The following RUNX2 variants were observed in gnomAD, a reference collection of about 807,000 sequenced individuals.
The protein encoded by RUNX2 is RUNX family transcription factor 2, also known as runt-related transcription factor 2.
In RUNX2, 10 loss-of-function variants were observed where a neutral mutation model predicts 51.7. The observed-to-expected ratio is 0.19, with a 90% CI of 0.12 to 0.33. The LOEUF is 0.33. Among genes scored for constraint, RUNX2 ranks in the 10% least tolerant of loss-of-function variants. RUNX2 has a pLI of 1.00. For synonymous variants in RUNX2, 276 were observed against 273.6 expected, an observed-to-expected ratio of 1.01 and a Z score of -0.09; for missense variants, 562 against 691.3, an observed-to-expected ratio of 0.81 and a Z score of 2.10.
rs367773930 is a variant in RUNX2, at chr6:45,488,224, G to C, written c.686-3717G>C. On this transcript the variant is annotated intron_variant, in intron 5 of 8. Transcript: ENST00000647337. ...CTCGGTAATGGATTGAATGTGGAGA[G>C]TGAGAGATAAGGAGAAATCAAGGAA... 1.4e-4 allele frequency among the ~76,000 whole-genome samples: 21 copies of C among 152,322 alleles called. 1 individual carries two copies. Among genetic ancestry groups the C allele is most frequent in the African/African-American group, 5.1e-4 (21 of 41,574 alleles).
intron 5 of RUNX2, among the ~76,000 whole-genome samples, chr6:45,465,664 C>T (rs1235822616): frequency 6.8e-6 from 1 of 147,802 alleles, no homozygotes; most frequent in African/African-American, 2.5e-5. Flanking sequence ...TTTTTTTAGA[C>T]AAGATCTCAT....
At chr6:45,392,797 C>G (rs1797500050) in intron 2 of RUNX2, among the ~76,000 whole-genome samples, 1 of 151,842 alleles carries the variant, frequency 6.6e-6, no homozygotes, top group South Asian at 2.1e-4. Context: ...GGAAAATTCT[C>G]AGCCATCATT....
At chr6:45,452,751 A>G (rs1020124916) in intron 5 of RUNX2, among the ~76,000 whole-genome samples, 1 of 152,208 alleles carries the variant, frequency 6.6e-6, no homozygotes, top group Non-Finnish European at 1.5e-5. Context: ...AGGGAAAAAA[A>G]TAATCAAGAG....
chr6:45,520,886 A>C (rs1801486734), intron 7 of RUNX2, among the ~76,000 whole-genome samples: 1 of 152,086 alleles, frequency 6.6e-6, no homozygotes, highest in Non-Finnish European at 1.5e-5. Flanking sequence ...ACACCCAGCT[A>C]ATTTTTGTAG....
intron 5 of RUNX2, among the ~76,000 whole-genome samples, chr6:45,486,386 T>C (rs1327903741): frequency 6.6e-6 from 1 of 152,194 alleles, no homozygotes; most frequent in Non-Finnish European, 1.5e-5. Context: ...CAGTACACAT[T>C]AGCTGCACTA....
chr6:45,344,832 G>A (rs745811864), intron 2 of RUNX2, among the ~76,000 whole-genome samples: 1 of 152,128 alleles, frequency 6.6e-6, no homozygotes, highest in African/African-American at 2.4e-5. Context: ...AGTAAGCCAA[G>A]ATTCAGACTA....
In RUNX2 at chr6:45,344,319, C is replaced by T. The variant is rs181988773; in HGVS notation, c.58+15535C>T. ...CTTCATTTATACTTGGCCTAAACTTCCCCTTGTCTGTATACTTATTTTTGC... is the reference window on the plus strand; with the variant it reads ...CTTCATTTATACTTGGCCTAAACTTTCCCTTGTCTGTATACTTATTTTTGC... On this transcript the variant is annotated intron_variant, in intron 2 of 8. Transcript: ENST00000647337. Among the ~76,000 whole-genome samples, 5 of 152,254 alleles carry T rather than the reference C, an allele frequency of 3.3e-5. No individual in the cohort carries two copies. In the East Asian group the frequency reaches 9.6e-4, roughly 29 times the overall value.
At chr6:45,524,073 T>C (rs1007790712) in intron 7 of RUNX2, among the ~76,000 whole-genome samples, 2 of 152,234 alleles carry the variant, frequency 1.3e-5, no homozygotes, top group African/African-American at 2.4e-5. Flanking sequence ...TGGACAACAC[T>C]TTGTTTCAAA....
chr6:45,451,214 G>C (rs1237202381), intron 5 of RUNX2, among the ~76,000 whole-genome samples: 1 of 152,122 alleles, frequency 6.6e-6, no homozygotes, highest in Non-Finnish European at 1.5e-5. Flanking sequence ...GAGAAAAATC[G>C]AGTGGGAGGA....
At chr6:45,455,940 TA>T (rs1407032223) in intron 5 of RUNX2, among the ~76,000 whole-genome samples, 2 of 152,188 alleles carry the variant, frequency 1.3e-5, no homozygotes, top group East Asian at 1.9e-4. Context: ...TAATTTAGAT[TA>T]TGTGGAAAAA....
At chr6:45,344,842 A>G (rs1790521494) in intron 2 of RUNX2, among the ~76,000 whole-genome samples, 1 of 152,190 alleles carries the variant, frequency 6.6e-6, no homozygotes, top group African/African-American at 2.4e-5. Flanking sequence ...GATTCAGACT[A>G]TGACAAGGGA....
intron 7 of RUNX2, among the ~76,000 whole-genome samples, chr6:45,523,168 A>G (rs1397792071): frequency 6.6e-6 from 1 of 152,172 alleles, no homozygotes; most frequent in East Asian, 1.9e-4. Flanking sequence ...CTATGTCTTA[A>G]TATTATTTGA....
At position 45,404,274 on chromosome 6, in the gene RUNX2, AGAAAAAG is replaced by A. The variant is rs1397111770; in HGVS notation, c.59-18318_59-18312del. ...GACTCTGTCTCAAAAAAAAAAAAAA[AGAAAAAG>A]AAAAAAGAAAAAAAAAAGGAAAAAA... On this transcript the variant is annotated intron_variant, in intron 2 of 8. Coordinates refer to ENST00000647337, the MANE Select transcript of RUNX2 (RefSeq NM_001024630.4). Among the ~76,000 whole-genome samples, 47 of 123,514 alleles carry A rather than the reference AGAAAAAG, an allele frequency of 3.8e-4. No homozygotes were observed. In the South Asian group the frequency reaches 4.4e-3, roughly 11 times the overall value. 81.0% of individuals were successfully genotyped at this position (123,514 alleles called of 152,430 possible).
chr6:45,519,840 A>G (rs766131976), intron 7 of RUNX2, among the ~76,000 whole-genome samples: 15 of 138,570 alleles, frequency 1.1e-4, no homozygotes, highest in South Asian at 2.3e-4. Flanking sequence ...GTGTGTGTAT[A>G]TATTTGAGAT....
chr6:45,498,543 C>G lies in RUNX2; in HGVS notation c.859+6429C>G, dbSNP rs148023155. Among the ~76,000 whole-genome samples, 44 of 152,242 alleles carry G rather than the reference C, an allele frequency of 2.9e-4. 2 individuals are homozygous for G. The highest frequency in any genetic ancestry group is 2.3e-3 in the East Asian group (12 of 5,180). Reference sequence around the variant, plus strand: ...TAGCATTAGGAATATCTGAATTATACTTTAAAATTCAATATAATCATTTAA... The same window carrying G: ...TAGCATTAGGAATATCTGAATTATAGTTTAAAATTCAATATAATCATTTAA... On this transcript the variant is annotated intron_variant, in intron 6 of 8. Transcript: ENST00000647337.
intron 2 of RUNX2, among the ~76,000 whole-genome samples, chr6:45,380,918 G>A (rs894794436): frequency 7.2e-5 from 11 of 152,162 alleles, no homozygotes; most frequent in Non-Finnish European, 1.5e-4. Context: ...GACAGTTCAG[G>A]TGACTTGGAA....
intron 2 of RUNX2, among the ~76,000 whole-genome samples, chr6:45,356,274 A>C (rs1437554354): frequency 6.6e-6 from 1 of 152,164 alleles, no homozygotes; most frequent in African/African-American, 2.4e-5. Context: ...AAAAGATGGC[A>C]TACTCATTTG....
At chr6:45,546,196 TA>T (rs2150453026) in intron 8 of RUNX2, among the ~76,000 whole-genome samples, 1 of 152,194 alleles carries the variant, frequency 6.6e-6, no homozygotes, top group Non-Finnish European at 1.5e-5. Flanking sequence ...TCTAGTAGCT[TA>T]TGACCCTCCC....
At chr6:45,399,569 A>G (rs1469041462) in intron 2 of RUNX2, among the ~76,000 whole-genome samples, 1 of 151,758 alleles carries the variant, frequency 6.6e-6, no homozygotes, top group Non-Finnish European at 1.5e-5. Flanking sequence ...CATGTTGGTC[A>G]GGGTAGTCTT....
Sources: gnomAD v4.1 joint callset for allele counts (sites outside exome capture counted in the v4.1 genomes callset) on GRCh38, gnomAD v4.1.1 for gene constraint, MANE v1.5 for transcripts, NCBI Gene and HGNC (gene_info 2026-07-23, HGNC 2026-07-21) for gene names.